RABGEF1: variants seen among roughly 807,000 people sequenced by gnomAD.
RABGEF1 encodes rab5 GDP/GTP exchange factor.
Under a neutral mutation model 57.3 loss-of-function variants are expected in RABGEF1, and 26 were observed. The observed-to-expected ratio is 0.45, with a 90% CI of 0.33 to 0.63. The LOEUF (loss-of-function observed/expected upper bound fraction) is 0.63. Among genes scored for constraint, RABGEF1 ranks in the 20% least tolerant of loss-of-function variants. RABGEF1 has a pLI of 0.02. For missense variants in RABGEF1, 464 were observed against 607.6 expected (o/e 0.76, Z 2.48); for synonymous variants, 185 against 210.7 (o/e 0.88, Z 1.06).
chr7:66,735,273 C>T (rs1797814652), intron 2 of RABGEF1, among the ~76,000 whole-genome samples: 1 of 152,162 alleles, frequency 6.6e-6, no homozygotes, highest in Non-Finnish European at 1.5e-5. Flanking sequence ...CCTTTGTAGC[C>T]TATTCCAACC....
At chr7:66,765,744 G>C (rs998159434) in intron 1 of RABGEF1, among the ~76,000 whole-genome samples, 6 of 152,100 alleles carry the variant, frequency 3.9e-5, no homozygotes, top group Non-Finnish European at 8.8e-5. Context: ...TCCAAAACTC[G>C]AAGCAAAAGA....
intron 2 of RABGEF1, among the ~76,000 whole-genome samples, chr7:66,773,038 A>G (rs529630091): frequency 6.6e-6 from 1 of 152,198 alleles, no homozygotes; most frequent in South Asian, 2.1e-4. Context: ...GCTTCAACAG[A>G]AGAAAGTCAA....
chr7:66,708,971 CCT>C (rs1175021559), intron 1 of RABGEF1, among the ~76,000 whole-genome samples: 1 of 151,670 alleles, frequency 6.6e-6, no homozygotes. Context: ...TCCTGTTATG[CCT>C]CTCTACTTGA....
At position 66,805,942 on chromosome 7, in the gene RABGEF1, G is replaced by A. The variant is rs564576490; in HGVS notation, c.1077+546G>A. Among the ~76,000 whole-genome samples the A allele has an allele frequency of 3.3e-5, 5 of 150,014 alleles. No individual in the cohort carries two copies. In the South Asian group the frequency reaches 8.5e-4, roughly 25 times the overall value. Reference sequence around the variant, plus strand: ...TTTTTTTTTTGAGAGATGGGGTCTCGCTGTGTTGCCCAGGCTGGTCTCATA... The same window carrying A: ...TTTTTTTTTTGAGAGATGGGGTCTCACTGTGTTGCCCAGGCTGGTCTCATA... On this transcript the variant is annotated intron_variant, in intron 8 of 8. Coordinates refer to ENST00000284957, the MANE Select transcript of RABGEF1 (RefSeq NM_014504.3).
At chr7:66,766,799 A>G (rs1385957414) in intron 1 of RABGEF1, among the ~76,000 whole-genome samples, 7 of 151,808 alleles carry the variant, frequency 4.6e-5, no homozygotes, top group Admixed American at 6.6e-5. Context: ...ATCTCGGCTT[A>G]CTGCAGCCTC....
chr7:66,673,034 C>A, the RABGEF1 span, among the ~76,000 whole-genome samples: 1 of 146,870 alleles, frequency 6.8e-6, no homozygotes, highest in Non-Finnish European at 1.5e-5. Flanking sequence ...TGCTGAAGAT[C>A]TAGAAGGGAT....
At chr7:66,705,695 G>GTTTTTTTTTTTT (rs1439855354) in intron 1 of RABGEF1, among the ~76,000 whole-genome samples, 2 of 142,074 alleles carry the variant, frequency 1.4e-5, no homozygotes, top group African/African-American at 2.6e-5. Flanking sequence ...AGATACAAGT[G>GTTTTTTTTTTTT]TTTTTTTTTT....
the RABGEF1 span, among the ~76,000 whole-genome samples, chr7:66,662,858 TGTATGTACAGAC>T: frequency 6.7e-6 from 1 of 150,088 alleles, no homozygotes; most frequent in East Asian, 2.0e-4. Context: ...TCTGCAGGTG[TGTATGTACAGAC>T]GTGTGTACAG....
upstream of RABGEF1, among the ~76,000 whole-genome samples, chr7:66,680,898 T>G (rs1271614048): frequency 6.6e-6 from 1 of 152,014 alleles, no homozygotes; most frequent in Non-Finnish European, 1.5e-5. Context: ...CTGGCCAACA[T>G]GGTGAAACCC....
intron 3 of RABGEF1, among the ~76,000 whole-genome samples, chr7:66,779,382 C>T (rs1171216401): frequency 6.6e-6 from 1 of 151,478 alleles, no homozygotes; most frequent in Non-Finnish European, 1.5e-5. Flanking sequence ...CACGTGCCTG[C>T]AATCCCAGCT....
chr7:66,670,956 G>T, the RABGEF1 span, among the ~76,000 whole-genome samples: 1 of 150,218 alleles, frequency 6.7e-6, no homozygotes, highest in Non-Finnish European at 1.5e-5. Flanking sequence ...AGCTTCCACT[G>T]GTCTTACTTA....
chr7:66,762,065 AAAAAAC>A (rs755446377), intron 1 of RABGEF1, among the ~76,000 whole-genome samples: 18 of 151,888 alleles, frequency 1.2e-4, no homozygotes, highest in Admixed American at 2.6e-4. Flanking sequence ...AAAAAAAACA[AAAAAAC>A]AAAAACAAAA....
chr7:66,723,524 T>C (rs1275027254), intron 2 of RABGEF1, among the ~76,000 whole-genome samples: 1 of 152,236 alleles, frequency 6.6e-6, no homozygotes, highest in Non-Finnish European at 1.5e-5. Flanking sequence ...TATGAAGTTA[T>C]AAACCCCACA....
chr7:66,691,006 G>A (rs1444172611), intron 1 of RABGEF1, among the ~76,000 whole-genome samples: 5 of 152,022 alleles, frequency 3.3e-5, no homozygotes, highest in African/African-American at 4.8e-5. Flanking sequence ...CATGAGAATC[G>A]CCGGAACCGG....
chr7:66,708,460 G>A (rs1349961566), intron 1 of RABGEF1, among the ~76,000 whole-genome samples: 2 of 151,828 alleles, frequency 1.3e-5, no homozygotes, highest in Non-Finnish European at 2.9e-5. Flanking sequence ...GCTAATTTTT[G>A]TATTTTTAGT....
chr7:66,805,937 G>A (rs149512688), intron 8 of RABGEF1, among the ~76,000 whole-genome samples: 1,784 of 151,206 alleles, frequency 0.012, 35 homozygotes, highest in African/African-American at 0.041. Context: ...GAGAGATGGG[G>A]TCTCGCTGTG....
Position 66,695,175 on chromosome 7 carries a change from G to A in RABGEF1, c.-873+12917G>A, listed in dbSNP as rs115891328. On this transcript the variant is annotated intron_variant and NMD_transcript_variant, in intron 1 of 9. Transcript: ENST00000607882. ...AAAAAGACAAAGATAAGCCGGGCAC[G>A]GTGGCGTGCACCAGTAATCCCAGCT... 2.6e-3 allele frequency among the ~76,000 whole-genome samples: 390 copies of A among 152,256 alleles called. 1 individual carries two copies. The highest frequency in any genetic ancestry group is 8.4e-3 in the African/African-American group (351 of 41,550).
chr7:66,765,573 G>T (rs1805490921), intron 1 of RABGEF1, among the ~76,000 whole-genome samples: 1 of 152,178 alleles, frequency 6.6e-6, no homozygotes, highest in South Asian at 2.1e-4. Context: ...GGAACTGGGA[G>T]ATTGAAATCA....
the RABGEF1 span, among the ~76,000 whole-genome samples, chr7:66,674,413 C>T: frequency 6.6e-6 from 1 of 151,994 alleles, no homozygotes; most frequent in African/African-American, 2.4e-5. Flanking sequence ...GTCTTGAACT[C>T]CTGAGCTCAG....
Sources: gnomAD v4.1 joint callset for allele counts (sites outside exome capture counted in the v4.1 genomes callset) on GRCh38, gnomAD v4.1.1 for gene constraint, MANE v1.5 for transcripts, NCBI Gene and HGNC (gene_info 2026-07-23, HGNC 2026-07-21) for gene names.